The following CADM2 variants were observed in gnomAD, a reference collection of about 807,000 sequenced individuals.
The protein encoded by CADM2 is immunoglobulin superfamily member 4D.
CADM2 carries 12 observed loss-of-function variants against 49.8 expected under a neutral mutation model. That is an observed-to-expected ratio of 0.24 (90% CI 0.15 to 0.39). The LOEUF (loss-of-function observed/expected upper bound fraction) is 0.39. Among genes scored for constraint, CADM2 ranks in the 10% least tolerant of loss-of-function variants. The probability of loss-of-function intolerance (pLI) is 1.00; values close to 1 mark genes in which losing one functional copy is unlikely to be tolerated. For synonymous variants in CADM2, 214 were observed against 175.4 expected (o/e 1.22, Z -1.74); for missense variants, 378 against 492.3 (o/e 0.77, Z 2.20).
intron 3 of CADM2, among the ~76,000 whole-genome samples, chr3:85,872,795 T>G (rs2075979349): frequency 1.3e-5 from 2 of 151,584 alleles, no homozygotes; most frequent in South Asian, 4.1e-4. Flanking sequence ...TTTCCAAAAT[T>G]TTATGGTTTA....
chr3:85,843,934 C>T (rs1206635394), intron 3 of CADM2, among the ~76,000 whole-genome samples: 1 of 151,850 alleles, frequency 6.6e-6, no homozygotes, highest in Admixed American at 6.6e-5. Flanking sequence ...AAACCTGATG[C>T]TCTTAGTTTA....
intron 1 of CADM2, among the ~76,000 whole-genome samples, chr3:85,307,340 AG>A (rs1031049996): frequency 6.6e-6 from 1 of 151,686 alleles, no homozygotes; most frequent in African/African-American, 2.4e-5. Flanking sequence ...TAAATATCAA[AG>A]AGCTGTTATA....
At chr3:85,022,774 G>A (rs1342555247) in intron 1 of CADM2, among the ~76,000 whole-genome samples, 1 of 151,890 alleles carries the variant, frequency 6.6e-6, no homozygotes, top group Non-Finnish European at 1.5e-5. Flanking sequence ...ATATAATAGA[G>A]ACTCAAAAAT....
intron 1 of CADM2, among the ~76,000 whole-genome samples, chr3:85,016,662 G>A (rs755408665): frequency 5.9e-5 from 9 of 151,944 alleles, no homozygotes; most frequent in East Asian, 3.9e-4. Context: ...GCATGAAGGT[G>A]CGCACCTGTA....
chr3:86,044,955 A>G (rs541854038), intron 8 of CADM2, among the ~76,000 whole-genome samples: 3 of 152,018 alleles, frequency 2.0e-5, no homozygotes, highest in Non-Finnish European at 4.4e-5. Flanking sequence ...AAAGTATGGC[A>G]AGGACAAAAA....
intron 1 of CADM2, among the ~76,000 whole-genome samples, chr3:85,423,969 G>A (rs553340852): frequency 3.3e-5 from 5 of 152,026 alleles, no homozygotes; most frequent in African/African-American, 4.8e-5. Context: ...TTTCAACCTC[G>A]TTCTTTCCTG....
chr3:85,526,556 A>G (rs2061162884), intron 1 of CADM2, among the ~76,000 whole-genome samples: 1 of 152,192 alleles, frequency 6.6e-6, no homozygotes, highest in Non-Finnish European at 1.5e-5. Flanking sequence ...AAAATCCAAG[A>G]ATGTATCCCT....
intron 1 of CADM2, among the ~76,000 whole-genome samples, chr3:85,421,972 T>C (rs1051552751): frequency 1.3e-5 from 2 of 152,236 alleles, no homozygotes; most frequent in Admixed American, 1.3e-4. Context: ...ACCTTACTTG[T>C]CACTGATAAC....
At chr3:85,031,891 G>C (rs537861798) in intron 1 of CADM2, among the ~76,000 whole-genome samples, 1 of 152,090 alleles carries the variant, frequency 6.6e-6, no homozygotes, top group South Asian at 2.1e-4. Context: ...GTACATTTCT[G>C]TAAAAAGCTT....
intron 1 of CADM2, among the ~76,000 whole-genome samples, chr3:85,305,065 C>A (rs1390813362): frequency 1.3e-5 from 2 of 151,612 alleles, no homozygotes; most frequent in Non-Finnish European, 3.0e-5. Context: ...AGTCTCCAAA[C>A]ACCCTATTCT....
At chr3:85,317,035 G>A (rs1025100260) in intron 1 of CADM2, among the ~76,000 whole-genome samples, 2 of 152,084 alleles carry the variant, frequency 1.3e-5, no homozygotes, top group Non-Finnish European at 2.9e-5. Flanking sequence ...AGATTTCTGA[G>A]TAAACTTGGA....
intron 6 of CADM2, among the ~76,000 whole-genome samples, chr3:85,918,782 T>G (rs926030781): frequency 6.6e-6 from 1 of 152,108 alleles, no homozygotes; most frequent in Non-Finnish European, 1.5e-5. Flanking sequence ...CTTTTAAAAA[T>G]TAATCAATGA....
rs774499013 is a variant in CADM2 at position 85,020,703 on chromosome 3, G to C, written c.61+61035G>C. Among the ~76,000 whole-genome samples the C allele has an allele frequency of 4.2e-4, 64 of 151,934 alleles. 1 individual carries two copies. The highest frequency in any genetic ancestry group is 2.1e-4 in the Non-Finnish European group (14 of 67,982). On this transcript the variant is annotated intron_variant, in intron 1 of 9. Transcript: ENST00000383699. ...CATATCACCTTAAAATTAGATATGA[G>C]ATTAAGGTGTATAAATCAGATATAT... is the stretch of plus-strand genomic sequence containing the variant.
At chr3:85,593,848 T>G (rs2063174049) in intron 1 of CADM2, among the ~76,000 whole-genome samples, 1 of 151,968 alleles carries the variant, frequency 6.6e-6, no homozygotes, top group South Asian at 2.1e-4. Context: ...ATAATTCTCA[T>G]TGTCACCCCT....
rs369937297 is a variant in CADM2 at position 86,014,736 on chromosome 3, A to C, written c.971-50869A>C. The C allele has an allele frequency of 5.5e-5, 83 of 1,501,534 alleles. 2 individuals are homozygous for C. The African/African-American group carries it at 7.4e-4, about 13-fold the overall frequency. The allele number at this position is 1,501,534 out of a possible 1,614,324, so 93.0% of individuals were successfully genotyped here. A position where few individuals can be genotyped will look rare whatever the true frequency, so the allele number is the denominator to read the frequency against. On this transcript the variant is annotated intron_variant, in intron 8 of 9. Coordinates refer to ENST00000383699, the MANE Select transcript of CADM2 (RefSeq NM_001167675.2). ...TGACATGTGTAGAAGTGACTTACCCAATACTGACACGCTCTCAGCCAAGCT... is the reference window on the plus strand; with the variant it reads ...TGACATGTGTAGAAGTGACTTACCCCATACTGACACGCTCTCAGCCAAGCT...
intron 1 of CADM2, among the ~76,000 whole-genome samples, chr3:85,498,677 A>C (rs1056154941): frequency 6.6e-6 from 1 of 152,174 alleles, no homozygotes; most frequent in Admixed American, 6.5e-5. Flanking sequence ...ATATGTATTA[A>C]ATAAAATGGA....
intron 8 of CADM2, among the ~76,000 whole-genome samples, chr3:86,042,499 G>T (rs945543677): frequency 2.0e-5 from 3 of 152,048 alleles, no homozygotes; most frequent in African/African-American, 4.8e-5. Context: ...TAAATTCCTT[G>T]ACACATACAC....
At chr3:85,267,251 T>C (rs930098722) in intron 1 of CADM2, among the ~76,000 whole-genome samples, 17 of 151,834 alleles carry the variant, frequency 1.1e-4, no homozygotes, top group Non-Finnish European at 2.4e-4. Context: ...ACCTTTTGCA[T>C]GTAGGTAGCG....
At chr3:85,746,649 C>G (rs1488392927) in intron 2 of CADM2, among the ~76,000 whole-genome samples, 1 of 152,042 alleles carries the variant, frequency 6.6e-6, no homozygotes, top group Non-Finnish European at 1.5e-5. Context: ...CACTTAATGT[C>G]TCATGTCTGC....
Sources: gnomAD v4.1 joint callset for allele counts (sites outside exome capture counted in the v4.1 genomes callset) on GRCh38, gnomAD v4.1.1 for gene constraint, MANE v1.5 for transcripts, NCBI Gene and HGNC (gene_info 2026-07-23, HGNC 2026-07-21) for gene names.